Variants in AGBL4 observed in about 807,000 individuals in gnomAD.
AGBL4 encodes the protein AGBL carboxypeptidase 4.
AGBL4 carries 58 observed loss-of-function variants against 66.4 expected under a neutral mutation model. That is an observed-to-expected ratio of 0.87 (90% CI 0.71 to 1.09). AGBL4 has a LOEUF of 1.09. AGBL4 is among the 50% of genes least tolerant of loss of function. The pLI is 0.00. For missense variants in AGBL4, 579 were observed against 631.0 expected (o/e 0.92, Z 0.88); for synonymous variants, 234 against 222.9 (o/e 1.05, Z -0.44).
At chr1:49,753,724 T>A (rs1056088646) in intron 2 of AGBL4, among the ~76,000 whole-genome samples, 4 of 152,228 alleles carry the variant, frequency 2.6e-5, no homozygotes, top group African/African-American at 9.6e-5. Context: ...GTAGGTCTGG[T>A]CTTTTCACAT....
At chr1:49,578,779 T>C (rs1368607231) in intron 3 of AGBL4, among the ~76,000 whole-genome samples, 3 of 152,154 alleles carry the variant, frequency 2.0e-5, no homozygotes, top group African/African-American at 7.2e-5. Flanking sequence ...TATTTGAAGA[T>C]TATGTATGCT....
At chr1:49,231,068 A>C (rs1650274797) in intron 4 of AGBL4, among the ~76,000 whole-genome samples, 1 of 152,332 alleles carries the variant, frequency 6.6e-6, no homozygotes, top group South Asian at 2.1e-4. Flanking sequence ...GGGTTTTATG[A>C]AAAATTAGTA....
At chr1:50,012,966 T>G (rs1661665532) in intron 1 of AGBL4, among the ~76,000 whole-genome samples, 1 of 152,192 alleles carries the variant, frequency 6.6e-6, no homozygotes. Flanking sequence ...GACCCTGGAA[T>G]CATAATTTGT....
At chr1:48,840,594 A>G (rs911755305) in intron 6 of AGBL4, among the ~76,000 whole-genome samples, 4 of 152,168 alleles carry the variant, frequency 2.6e-5, no homozygotes, top group Non-Finnish European at 5.9e-5. Context: ...GACCAATTAG[A>G]CTGGTGAGAA....
chr1:49,116,361 C>T lies in AGBL4; in HGVS notation c.378-70561G>A, dbSNP rs980057513. Among the ~76,000 whole-genome samples the T allele has an allele frequency of 2.1e-4, 32 of 152,104 alleles. 1 individual carries two copies. Among genetic ancestry groups the T allele is most frequent in the Non-Finnish European group, 2.9e-5 (2 of 68,024 alleles). Reference sequence around the variant, plus strand: ...ATTACATATTTCTTCTAATGCTATCCCTCCTCCATATCCCCACCCCGCCAA... The same window carrying T: ...ATTACATATTTCTTCTAATGCTATCTCTCCTCCATATCCCCACCCCGCCAA... On this transcript the variant is annotated intron_variant, in intron 4 of 13. Coordinates refer to ENST00000371839, the MANE Select transcript of AGBL4 (RefSeq NM_032785.4).
chr1:49,217,237 C>T (rs776499433), intron 4 of AGBL4, among the ~76,000 whole-genome samples: 2 of 152,052 alleles, frequency 1.3e-5, no homozygotes, highest in African/African-American at 2.4e-5. Flanking sequence ...GTGTTTAAAG[C>T]CTTTTAGCAG....
chr1:49,723,808 G>T (rs2124693435), intron 2 of AGBL4, among the ~76,000 whole-genome samples: 1 of 152,220 alleles, frequency 6.6e-6, no homozygotes, highest in South Asian at 2.1e-4. Context: ...ACCAACCCAT[G>T]TAACTTTGGG....
At chr1:49,699,957 T>C (rs1211378110) in intron 2 of AGBL4, among the ~76,000 whole-genome samples, 1 of 151,866 alleles carries the variant, frequency 6.6e-6, no homozygotes, top group African/African-American at 2.4e-5. Flanking sequence ...GCTAATTTGC[T>C]TGACTTTGGT....
intron 1 of AGBL4, among the ~76,000 whole-genome samples, chr1:49,886,054 C>T (rs1648000953): frequency 6.6e-6 from 1 of 152,122 alleles, no homozygotes; most frequent in Admixed American, 6.6e-5. Flanking sequence ...AGTTTGCATA[C>T]AATTTTCCAA....
chr1:49,341,481 C>G (rs1645537966), intron 3 of AGBL4, among the ~76,000 whole-genome samples: 1 of 152,162 alleles, frequency 6.6e-6, no homozygotes, highest in Non-Finnish European at 1.5e-5. Flanking sequence ...ACTTGGGTTA[C>G]AGTTAGGAAG....
intron 3 of AGBL4, among the ~76,000 whole-genome samples, chr1:49,486,328 A>G (rs1261604298): frequency 1.3e-5 from 2 of 151,996 alleles, no homozygotes; most frequent in Non-Finnish European, 2.9e-5. Context: ...ACCATCAACA[A>G]CTTAATAAGT....
chr1:49,632,212 G>C (rs1025692790), intron 3 of AGBL4, among the ~76,000 whole-genome samples: 5 of 152,164 alleles, frequency 3.3e-5, no homozygotes, highest in African/African-American at 1.2e-4. Context: ...ATATTCCAGA[G>C]GGAGTCTGGG....
At chr1:49,586,488 T>A (rs1405896620) in intron 3 of AGBL4, among the ~76,000 whole-genome samples, 11 of 152,296 alleles carry the variant, frequency 7.2e-5, no homozygotes, top group African/African-American at 2.6e-4. Flanking sequence ...CTCAAAAAGA[T>A]CTTGTGAAGA....
intron 2 of AGBL4, among the ~76,000 whole-genome samples, chr1:49,751,941 T>C (rs993258139): frequency 2.0e-5 from 3 of 152,054 alleles, no homozygotes; most frequent in African/African-American, 4.8e-5. Flanking sequence ...TATCACTTTT[T>C]GGCATTTATT....
chr1:49,203,221 A>C (rs369843448), intron 4 of AGBL4, among the ~76,000 whole-genome samples: 14 of 152,080 alleles, frequency 9.2e-5, no homozygotes, highest in East Asian at 7.7e-4. Flanking sequence ...GAGGTTCCTC[A>C]GAAAATTTGA....
At chr1:49,723,161 CCTTT>C (rs1318492963) in intron 2 of AGBL4, among the ~76,000 whole-genome samples, 1 of 152,076 alleles carries the variant, frequency 6.6e-6, no homozygotes, top group African/African-American at 2.4e-5. Flanking sequence ...CCTAATTTGT[CCTTT>C]CTTTCTTTAA....
chr1:49,300,163 G>A (rs769026942), intron 3 of AGBL4, among the ~76,000 whole-genome samples: 1 of 151,982 alleles, frequency 6.6e-6, no homozygotes, highest in Non-Finnish European at 1.5e-5. Context: ...TGGCAATTTT[G>A]TTCTTCCCCA....
chr1:49,766,670 C>T (rs1652755299), intron 2 of AGBL4, among the ~76,000 whole-genome samples: 1 of 151,254 alleles, frequency 6.6e-6, no homozygotes, highest in Admixed American at 6.6e-5. Flanking sequence ...CCCTTCCATC[C>T]ACTATCTTCA....
chr1:48,611,801 G>A (rs1645243083), intron 9 of AGBL4, among the ~76,000 whole-genome samples: 1 of 152,200 alleles, frequency 6.6e-6, no homozygotes, highest in Admixed American at 6.5e-5. Context: ...AGCACTTTGT[G>A]TGCCGCTTCG....
Sources: allele counts gnomAD v4.1 joint callset (sites outside exome capture counted in the v4.1 genomes callset), GRCh38; gene constraint gnomAD v4.1.1; transcripts MANE v1.5; gene names NCBI Gene and HGNC (gene_info 2026-07-23, HGNC 2026-07-21).